The following TEKT3 variants were observed in gnomAD, a reference collection of about 807,000 sequenced individuals.
The protein encoded by TEKT3 is tektin 3.
TEKT3 carries 49 observed loss-of-function variants against 49.8 expected under a neutral mutation model. That is an observed-to-expected ratio of 0.98 (90% confidence interval 0.78 to 1.25). The LOEUF is 1.25. Among genes scored for constraint, TEKT3 ranks in the 50% most tolerant of loss-of-function variants. TEKT3 has a pLI of 0.00. For synonymous variants in TEKT3, 225 were observed against 237.2 expected (o/e 0.95, Z 0.47); for missense variants, 595 against 629.5 (o/e 0.95, Z 0.59).
Position 15,328,085 on chromosome 17 carries a change from C to T in TEKT3, c.580-10G>A. 3 of 1,610,488 alleles carry T rather than the reference C, an allele frequency of 1.9e-6. No homozygotes were observed. The highest frequency in any genetic ancestry group is 2.5e-6 in the Non-Finnish European group (3 of 1,176,886). On this transcript the variant is annotated splice_polypyrimidine_tract_variant and intron_variant, in intron 3 of 8. Coordinates refer to ENST00000395930, the MANE Select transcript of TEKT3 (RefSeq NM_031898.3). ...GACATTCTCGGGCTACCTACAGATA[C>T]ACAGATAATGGAAAGCACTAATAAA...
At chr17:15,325,551 C>T (rs926291922) in intron 4 of TEKT3, among the ~76,000 whole-genome samples, 1 of 152,172 alleles carries the variant, frequency 6.6e-6, no homozygotes, top group African/African-American at 2.4e-5. Context: ...ATCAGCATCT[C>T]TGGGTGTGGG....
At chr17:15,311,947 C>T (rs955627940) in intron 7 of TEKT3, among the ~76,000 whole-genome samples, 1 of 152,178 alleles carries the variant, frequency 6.6e-6, no homozygotes, top group African/African-American at 2.4e-5. Flanking sequence ...AATAAATTCA[C>T]TTCCTAGTTA....
intron 4 of TEKT3, among the ~76,000 whole-genome samples, chr17:15,323,968 A>G (rs916168916): frequency 6.6e-6 from 1 of 152,198 alleles, no homozygotes; most frequent in South Asian, 2.1e-4. Flanking sequence ...TCACTTGTTT[A>G]AAGTGTGCAG....
chr17:15,342,035 TCTC>T (rs1268193998), upstream of TEKT3, among the ~76,000 whole-genome samples: 1 of 152,118 alleles, frequency 6.6e-6, no homozygotes, highest in African/African-American at 2.4e-5. Context: ...CAGCAGAGCT[TCTC>T]CTGTGACAGA....
At chr17:15,309,006 G>A in intron 7 of TEKT3, 188 bp from the exon 8 acceptor site, 1 of 645,128 alleles carries the variant, frequency 1.6e-6, no homozygotes, top group Non-Finnish European at 2.6e-6. Flanking sequence ...ACTGGAGCTG[G>A]CATGCACCTG....
At chr17:15,314,326 G>A in intron 5 of TEKT3, 96 bp from the exon 6 acceptor site, 2 of 1,504,184 alleles carry the variant, frequency 1.3e-6, no homozygotes, top group Non-Finnish European at 1.8e-6. Flanking sequence ...CTCTCTCACT[G>A]TTGCTCTCAC....
chr17:15,315,556 A>C (rs1296003816), intron 5 of TEKT3, among the ~76,000 whole-genome samples: 1 of 151,416 alleles, frequency 6.6e-6, no homozygotes, highest in Admixed American at 6.6e-5. Context: ...AGATAGAACC[A>C]AGAGAATCTC....
Position 15,307,157 on chromosome 17 carries a change from A to T in TEKT3, c.1256+1507T>A, listed in dbSNP as rs1048131026. Among the ~76,000 whole-genome samples the T allele has an allele frequency of 2.6e-5, 4 of 152,224 alleles. 1 individual carries two copies. The highest frequency in any genetic ancestry group is 9.7e-5 in the African/African-American group (4 of 41,448). Reference sequence around the variant, plus strand: ...ACACGTAAGGTGTTTCATCATAATGATCTCCTCTGTGACCTTCAGTTTCAT... The same window carrying T: ...ACACGTAAGGTGTTTCATCATAATGTTCTCCTCTGTGACCTTCAGTTTCAT... On this transcript the variant is annotated intron_variant, in intron 8 of 8. Transcript: ENST00000395930.
At position 15,331,424 on chromosome 17, in the gene TEKT3, T is replaced by C. The variant is rs974333250; in HGVS notation, c.162A>G (p.Thr54=). 1 of 1,614,112 alleles carries C rather than the reference T, an allele frequency of 6.2e-7. No individual in the cohort carries two copies. Residue 54 remains threonine, a synonymous_variant, in exon 3 of 9, where the codon ACA becomes ACG. Transcript: ENST00000395930. ...GGGAATTGGAGGCGACTTTGTAGTATGTGCTGGGTCTCCAAGGAAGGCTCA... is the reference window on the plus strand; with the variant it reads ...GGGAATTGGAGGCGACTTTGTAGTACGTGCTGGGTCTCCAAGGAAGGCTCA... ...HSLSLPWRPS[T]YYKVASNSPS... is the part of the protein sequence containing the mutation.
At chr17:15,312,207 G>C in intron 7 of TEKT3, 52 bp downstream of exon 7, 1 of 1,559,332 alleles carries the variant, frequency 6.4e-7, no homozygotes, top group South Asian at 1.1e-5. Flanking sequence ...TAGTCCCAGA[G>C]CACACCGCTC....
chr17:15,324,603 A>G (rs1427980062), intron 4 of TEKT3, among the ~76,000 whole-genome samples: 2 of 152,016 alleles, frequency 1.3e-5, no homozygotes, highest in Admixed American at 6.6e-5. Flanking sequence ...GTTATTTTCT[A>G]TATTTTTTAT....
intron 2 of TEKT3, among the ~76,000 whole-genome samples, chr17:15,333,912 G>A (rs1033072702): frequency 2.0e-5 from 3 of 151,676 alleles, no homozygotes; most frequent in East Asian, 3.9e-4. Flanking sequence ...ACAGGTGCCC[G>A]CCACCATGCC....
rs537801178 is a variant in TEKT3 at position 15,310,212 on chromosome 17, C to T, written c.1102-1394G>A. Among the ~76,000 whole-genome samples, 6 of 152,340 alleles carry T rather than the reference C, an allele frequency of 3.9e-5. No individual in the cohort carries two copies. The South Asian group carries it at 1.2e-3, about 32-fold the overall frequency. Reference sequence around the variant, plus strand: ...TCTGTGTTTCCAAGTTCTTTCTGCACCTTTCTGATGCAAATTCCCGTTTTC... The same window carrying T: ...TCTGTGTTTCCAAGTTCTTTCTGCATCTTTCTGATGCAAATTCCCGTTTTC... On this transcript the variant is annotated intron_variant, in intron 7 of 8. Transcript: ENST00000395930.
At chr17:15,337,956 A>C (rs1279176526) in intron 2 of TEKT3, among the ~76,000 whole-genome samples, 1 of 152,202 alleles carries the variant, frequency 6.6e-6, no homozygotes, top group Non-Finnish European at 1.5e-5. Context: ...ACTTCTAAAC[A>C]AGAAATATTA....
intron 5 of TEKT3, among the ~76,000 whole-genome samples, chr17:15,317,523 C>T (rs376529293): frequency 7.2e-5 from 11 of 152,274 alleles, no homozygotes; most frequent in South Asian, 6.2e-4. Context: ...AGTCACAGCT[C>T]GAGAGAATCT....
chr17:15,319,088 A>AAT lies in TEKT3; in HGVS notation c.721_722dup (p.Ala242LeufsTer18), dbSNP rs1335706064. On this transcript the variant is annotated frameshift_variant, in exon 5 of 9. Coordinates refer to ENST00000395930, the MANE Select transcript of TEKT3 (RefSeq NM_031898.3). LOFTEE classifies it high-confidence loss of function. Reference sequence around the variant, plus strand: ...CATAAAGCTCTTACGCAAGTTGGGCAATAGCCTTATCCAAATGTAGCTTCA... The same window carrying AAT: ...CATAAAGCTCTTACGCAAGTTGGGCAATATAGCCTTATCCAAATGTAGCTTCA... 1 of 1,612,372 alleles carries AAT rather than the reference A, an allele frequency of 6.2e-7. No individual in the cohort carries two copies. Among genetic ancestry groups the AAT allele is most frequent in the Non-Finnish European group, 8.5e-7 (1 of 1,179,340 alleles).
intron 4 of TEKT3, among the ~76,000 whole-genome samples, chr17:15,323,891 C>T (rs1161586237): frequency 6.6e-6 from 1 of 152,166 alleles, no homozygotes; most frequent in Non-Finnish European, 1.5e-5. Flanking sequence ...AACTAGAAAC[C>T]TCTAATGCAG....
chr17:15,338,198 TA>T (rs1436599526), intron 2 of TEKT3, among the ~76,000 whole-genome samples: 1 of 152,190 alleles, frequency 6.6e-6, no homozygotes, highest in African/African-American at 2.4e-5. Flanking sequence ...GCAATATTAC[TA>T]ACAACTTTAT....
intron 2 of TEKT3, among the ~76,000 whole-genome samples, chr17:15,334,362 T>G (rs1911901728): frequency 6.6e-6 from 1 of 152,238 alleles, no homozygotes; most frequent in Admixed American, 6.5e-5. Context: ...GCCTGCTTAA[T>G]TCTTGACAAT....
Sources: allele counts gnomAD v4.1 joint callset (sites outside exome capture counted in the v4.1 genomes callset), GRCh38; gene constraint gnomAD v4.1.1; transcripts MANE v1.5; gene names NCBI Gene and HGNC (gene_info 2026-07-23, HGNC 2026-07-21).